The following BRSK2 variants were observed in gnomAD, a reference collection of about 807,000 sequenced individuals.
BRSK2 encodes the protein serine/threonine-protein kinase BRSK2.
In BRSK2, 19 loss-of-function variants were observed where a neutral mutation model predicts 83.3. That is an observed-to-expected ratio of 0.23 (90% CI 0.16 to 0.33). The LOEUF is 0.33. Among genes scored for constraint, BRSK2 ranks in the 10% least tolerant of loss-of-function variants. The probability of loss-of-function intolerance (pLI) is 1.00; values close to 1 mark genes in which losing one functional copy is unlikely to be tolerated. For missense variants in BRSK2, 798 were observed against 1,042.3 expected (o/e 0.77, Z 3.23); for synonymous variants, 519 against 435.4 (o/e 1.19, Z -2.39).
chr11:1,396,875 A>G (rs1355207979), intron 1 of BRSK2, among the ~76,000 whole-genome samples: 1 of 152,158 alleles, frequency 6.6e-6, no homozygotes, highest in African/African-American at 2.4e-5. Context: ...TCAGCTCTGG[A>G]CAGCCCACCT....
chr11:1,411,409 G>T (rs1278917385), intron 1 of BRSK2: 2 of 1,466,910 alleles, frequency 1.4e-6, no homozygotes, highest in Non-Finnish European at 1.8e-6. Flanking sequence ...CACCCCATGA[G>T]CCCTGAGGGC....
At chr11:1,396,496 G>A (rs1846128815) in intron 1 of BRSK2, among the ~76,000 whole-genome samples, 1 of 152,222 alleles carries the variant, frequency 6.6e-6, no homozygotes, top group South Asian at 2.1e-4. Flanking sequence ...AAGCAGACAG[G>A]AGACCCCCTC....
intron 1 of BRSK2, among the ~76,000 whole-genome samples, chr11:1,405,528 A>G (rs1846810343): frequency 6.6e-6 from 1 of 152,078 alleles, no homozygotes; most frequent in Admixed American, 6.5e-5. Flanking sequence ...ACAGGCAGCG[A>G]GCTGCCAGCC....
chr11:1,442,449 C>A, intron 4 of BRSK2, 41 bp from the exon 5 acceptor site: 1 of 1,533,140 alleles, frequency 6.5e-7, no homozygotes, highest in Non-Finnish European at 9.0e-7. Flanking sequence ...GCGCTCAAGG[C>A]AGAGACTGGC....
At chr11:1,448,390 G>A (rs1335273219) in intron 12 of BRSK2, among the ~76,000 whole-genome samples, 4 of 152,164 alleles carry the variant, frequency 2.6e-5, no homozygotes, top group Admixed American at 6.5e-5. Flanking sequence ...CCCTGGCCCC[G>A]TGCCTACCTG....
chr11:1,423,681 G>T lies in BRSK2; in HGVS notation c.92-12359G>T, dbSNP rs1404565589. On this transcript the variant is annotated intron_variant, in intron 1 of 19. Transcript: ENST00000528841. The surrounding 1 kb of genome is among the most constrained non-coding windows in gnomAD (Gnocchi z 6.5). ...GCCCTGCCCCAAGCCTCCCCCGCTG[G>T]GCGTTCCGGGTGCCCCAGGCCTCCC... Among the ~76,000 whole-genome samples, 12 of 137,688 alleles carry T rather than the reference G, an allele frequency of 8.7e-5. 1 individual carries two copies. The highest frequency in any genetic ancestry group is 1.9e-4 in the African/African-American group (6 of 31,330). 90.3% of individuals were successfully genotyped at this position (137,688 alleles called of 152,430 possible).
rs963523855 is a variant in BRSK2 at position 1,390,712 on chromosome 11, A to G, written c.91+337A>G. On this transcript the variant is annotated intron_variant, in intron 1 of 19. Transcript: ENST00000528841. The surrounding 1 kb of genome is among the most constrained non-coding windows in gnomAD (Gnocchi z 6.8). The stretch of plus-strand genomic sequence containing the variant: ...ATTGTGCGCCCCAGCGACCGGGCCC[A>G]TTGTGCCGCGGGAGGAGGGGGCCGC... Among the ~76,000 whole-genome samples the G allele has an allele frequency of 2.0e-5, 3 of 150,652 alleles. No individual in the cohort carries two copies. The highest frequency in any genetic ancestry group is 4.4e-5 in the Non-Finnish European group (3 of 67,616).
At chr11:1,404,223 T>C (rs1335879699) in intron 1 of BRSK2, among the ~76,000 whole-genome samples, 2 of 152,160 alleles carry the variant, frequency 1.3e-5, no homozygotes, top group East Asian at 1.9e-4. Context: ...CTGCCCGCAA[T>C]CTGGGTGCGC....
chr11:1,437,014 AAGGGCTGCTG>A (rs1850408638), intron 2 of BRSK2, among the ~76,000 whole-genome samples: 1 of 151,494 alleles, frequency 6.6e-6, no homozygotes, highest in Admixed American at 6.6e-5. Flanking sequence ...GGGTGGGGTT[AAGGGCTGCTG>A]AGGGCTGCCT....
chr11:1,459,256 C>T lies in BRSK2; in HGVS notation c.1987+17C>T, dbSNP rs774717599. 8.7e-6 allele frequency: 14 copies of T among 1,613,018 alleles called. No homozygotes were observed. Among genetic ancestry groups the T allele is most frequent in the Admixed American group, 5.0e-5 (3 of 59,990 alleles). ...CCAAATGTGGTAAGAATCCCCCACG[C>T]TCACCTGGCACCTCCACCTGCCACT... On this transcript the variant is annotated intron_variant, in intron 19 of 19. Transcript: ENST00000528841.
intron 1 of BRSK2, among the ~76,000 whole-genome samples, chr11:1,434,986 G>A (rs963940848): frequency 3.3e-5 from 5 of 151,704 alleles, no homozygotes; most frequent in Admixed American, 6.6e-5. Flanking sequence ...GGGGAGAGGA[G>A]AAAGGGAGGG....
intron 1 of BRSK2, among the ~76,000 whole-genome samples, chr11:1,414,523 G>A (rs1272318734): frequency 6.6e-6 from 1 of 152,246 alleles, no homozygotes; most frequent in Non-Finnish European, 1.5e-5. Flanking sequence ...TTAGGCCAAG[G>A]AAGATTTGTG....
At chr11:1,419,243 T>A (rs972564162) in intron 1 of BRSK2, among the ~76,000 whole-genome samples, 9 of 151,624 alleles carry the variant, frequency 5.9e-5, no homozygotes, top group Non-Finnish European at 1.3e-4. Context: ...TTTGCTCAGC[T>A]GTGTTTGTGG....
intron 18 of BRSK2, among the ~76,000 whole-genome samples, chr11:1,458,170 TC>T (rs1385422019): frequency 6.6e-6 from 1 of 151,916 alleles, no homozygotes. Context: ...GCCCAGGGTG[TC>T]CCCGCACCTG....
At chr11:1,443,773 T>C in intron 8 of BRSK2, 138 bp downstream of exon 8, 1 of 1,154,128 alleles carries the variant, frequency 8.7e-7, no homozygotes, top group Non-Finnish European at 1.2e-6. Flanking sequence ...TGTGTGGACG[T>C]GTGCACAGGT....
At chr11:1,405,115 G>A (rs1207340807) in intron 1 of BRSK2, among the ~76,000 whole-genome samples, 1 of 151,990 alleles carries the variant, frequency 6.6e-6, no homozygotes, top group Non-Finnish European at 1.5e-5. Context: ...TCCCCAGGGA[G>A]GTCAGTCACC....
At chr11:1,402,201 C>T (rs1376753048) in intron 1 of BRSK2, among the ~76,000 whole-genome samples, 8 of 152,324 alleles carry the variant, frequency 5.3e-5, no homozygotes, top group Admixed American at 3.9e-4. Context: ...TCTCCAGAGG[C>T]GGTGGGTGTC....
At chr11:1,447,871 C>T in intron 12 of BRSK2, 3 of 1,592,904 alleles carry the variant, frequency 1.9e-6, no homozygotes, top group Non-Finnish European at 2.5e-6. Flanking sequence ...CAGGTATACA[C>T]CCCGACCACC....
chr11:1,399,329 G>A (rs1846323212), intron 1 of BRSK2, among the ~76,000 whole-genome samples: 1 of 152,122 alleles, frequency 6.6e-6, no homozygotes, highest in African/African-American at 2.4e-5. Context: ...GCTCTTGCTG[G>A]GACTGAGCCC....
Sources: allele counts gnomAD v4.1 joint callset (sites outside exome capture counted in the v4.1 genomes callset), GRCh38; gene constraint gnomAD v4.1.1; non-coding constraint Gnocchi (gnomAD v3.1); transcripts MANE v1.5; gene names NCBI Gene and HGNC (gene_info 2026-07-23, HGNC 2026-07-21).